The following CHD6 variants were observed in gnomAD, a reference collection of about 807,000 sequenced individuals.
CHD6 encodes ATP-dependent chromatin remodeler CHD6.
In CHD6, 50 loss-of-function variants were observed where a neutral mutation model predicts 276.9. That is an observed-to-expected ratio of 0.18 (90% CI 0.14 to 0.23). The LOEUF (loss-of-function observed/expected upper bound fraction) is 0.23. Ranked by LOEUF, CHD6 falls within the 10% of genes least tolerant of loss-of-function variation. CHD6 has a pLI of 1.00. For missense variants in CHD6, 2,564 were observed against 3,365.8 expected (o/e 0.76, Z 5.89); for synonymous variants, 1,173 against 1,229.3 (o/e 0.95, Z 0.96).
intron 3 of CHD6, among the ~76,000 whole-genome samples, chr20:41,531,812 A>G (rs554790281): frequency 1.2e-4 from 18 of 152,200 alleles, no homozygotes; most frequent in Non-Finnish European, 2.2e-4. Flanking sequence ...TCCACGTTGC[A>G]ACACACACCA....
chr20:41,480,194 C>T (rs2043263229), intron 16 of CHD6, among the ~76,000 whole-genome samples: 1 of 152,176 alleles, frequency 6.6e-6, no homozygotes, highest in South Asian at 2.1e-4. Flanking sequence ...AAAAAGAAAG[C>T]TGTCAGCATG....
intron 35 of CHD6, among the ~76,000 whole-genome samples, chr20:41,412,793 G>C (rs1450755042): frequency 1.3e-5 from 2 of 152,200 alleles, no homozygotes; most frequent in Non-Finnish European, 2.9e-5. Flanking sequence ...AAAATGTCTA[G>C]TCTGAGGGAC....
At chr20:41,474,085 A>T (rs2043118504) in intron 16 of CHD6, among the ~76,000 whole-genome samples, 1 of 152,220 alleles carries the variant, frequency 6.6e-6, no homozygotes, top group African/African-American at 2.4e-5. Context: ...CCAAGTTTAT[A>T]GCTGAAACCA....
At chr20:41,589,769 A>G (rs960631048) in intron 1 of CHD6, among the ~76,000 whole-genome samples, 1 of 152,358 alleles carries the variant, frequency 6.6e-6, no homozygotes, top group Middle Eastern at 3.4e-3. Context: ...GGAAGAATCA[A>G]TATCGTGAAA....
chr20:41,494,063 G>A (rs775182157), intron 8 of CHD6, 119 bp from the exon 9 acceptor site: 23 of 665,008 alleles, frequency 3.5e-5, no homozygotes, highest in Admixed American at 8.6e-5. Flanking sequence ...CAAAAAGAAA[G>A]GGTTTGCTTA....
chr20:41,553,934 G>A (rs2045183418), intron 1 of CHD6, among the ~76,000 whole-genome samples: 1 of 152,222 alleles, frequency 6.6e-6, no homozygotes, highest in Admixed American at 6.5e-5. Flanking sequence ...CGGATCACTT[G>A]AACCCAGGAG....
Position 41,416,647 on chromosome 20 carries a change from G to A in CHD6, c.6427C>T (p.Pro2143Ser). The change falls in exon 33 of 37, where the codon CCG becomes TCG. Residue 2143 changes from proline (P) to serine (S), a missense_variant. Coordinates refer to ENST00000373233, the MANE Select transcript of CHD6 (RefSeq NM_032221.5). ...SAGSRTSLSEPEAAEHSFSNG... is the reference protein window; with the variant it reads ...SAGSRTSLSESEAAEHSFSNG... Reference sequence around the variant, plus strand: ...CTGAAGCTGTGTTCTGCTGCTTCCGGCTCTGAGAGGCTGGTTCGAGAACCA... The same window carrying A: ...CTGAAGCTGTGTTCTGCTGCTTCCGACTCTGAGAGGCTGGTTCGAGAACCA... 6.2e-7 allele frequency: 1 copy of A among 1,613,960 alleles called. No homozygotes were observed. Among genetic ancestry groups the A allele is most frequent in the Non-Finnish European group, 8.5e-7 (1 of 1,179,964 alleles).
Position 41,597,724 on chromosome 20 carries a change from C to CT in CHD6, c.-24+20615dup, listed in dbSNP as rs370309960. On this transcript the variant is annotated intron_variant, in intron 1 of 36. Transcript: ENST00000373233. ...AAGAAAAAAGCCTAATCTGTCTATC[C>CT]TTTTTTTTTTCCTCTTCTCTTTCCC... Among the ~76,000 whole-genome samples, 188 of 149,522 alleles carry CT rather than the reference C, an allele frequency of 1.3e-3. 1 individual carries two copies. Among genetic ancestry groups the CT allele is most frequent in the African/African-American group, 3.8e-3 (156 of 40,780 alleles).
intron 1 of CHD6, among the ~76,000 whole-genome samples, chr20:41,606,464 A>G (rs2045829905): frequency 6.6e-6 from 1 of 152,290 alleles, no homozygotes; most frequent in East Asian, 1.9e-4. Flanking sequence ...CAGTGAGCCG[A>G]GATCGTGCCA....
At position 41,616,164 on chromosome 20, in the gene CHD6, TC is replaced by T. The variant is rs533636900; in HGVS notation, c.-24+2175del. Among the ~76,000 whole-genome samples the T allele has an allele frequency of 8.1e-4, 123 of 152,374 alleles. 1 individual carries two copies. The highest frequency in any genetic ancestry group is 2.7e-3 in the African/African-American group (113 of 41,582). ...TCCCACTTCACTTCTAACTTGTCTT[TC>T]AATTTTTGTGTGGTTTGCCTTAACT... On this transcript the variant is annotated intron_variant, in intron 1 of 36. Transcript: ENST00000373233.
intron 3 of CHD6, among the ~76,000 whole-genome samples, chr20:41,519,880 A>G (rs1199879859): frequency 6.6e-6 from 1 of 152,252 alleles, no homozygotes; most frequent in Non-Finnish European, 1.5e-5. Context: ...ATCAGAGTGA[A>G]CAGGCAACCT....
intron 1 of CHD6, among the ~76,000 whole-genome samples, chr20:41,551,855 C>G (rs916316487): frequency 6.6e-6 from 1 of 152,106 alleles, no homozygotes; most frequent in Admixed American, 6.6e-5. Flanking sequence ...TATTATTTGA[C>G]GATTTAAACC....
intron 1 of CHD6, among the ~76,000 whole-genome samples, chr20:41,554,528 G>A (rs1420066625): frequency 6.6e-6 from 1 of 151,540 alleles, no homozygotes; most frequent in Admixed American, 6.6e-5. Flanking sequence ...CTAGGCAGAG[G>A]ACCCTGCGGC....
intron 1 of CHD6, among the ~76,000 whole-genome samples, chr20:41,579,243 C>T (rs774994023): frequency 1.8e-4 from 27 of 148,530 alleles, no homozygotes; most frequent in African/African-American, 4.5e-4. Flanking sequence ...GAGACCAGCC[C>T]GACCAACAGT....
In CHD6 at chr20:41,420,690, G is replaced by A. The variant is rs767878658; in HGVS notation, c.5945C>T (p.Thr1982Ile). The A allele has an allele frequency of 6.2e-7, 1 of 1,614,232 alleles. No individual in the cohort carries two copies. The highest frequency in any genetic ancestry group is 1.1e-5 in the South Asian group (1 of 91,082). Residue 1982 changes from threonine (T) to isoleucine (I), a missense_variant, in exon 31 of 37, where the codon ACT becomes ATT. Physicochemically the swap from Thr to Ile is moderately conservative, Grantham distance 89. This residue lies in a region of CHD6 where 1,024 missense variants were observed against 1,047.9 expected (regional missense o/e 0.98). Transcript: ENST00000373233. ...TTTAAACGGCTGTGATGGAATAGCA[G>A]TGGGTTCACCCTCCATGGCGATAGT... ...TNTIAMEGEP[T>I]AIPSQPFKVK...
At chr20:41,572,606 C>A (rs1328369977) in intron 1 of CHD6, among the ~76,000 whole-genome samples, 1 of 152,152 alleles carries the variant, frequency 6.6e-6, no homozygotes, top group African/African-American at 2.4e-5. Flanking sequence ...CTTCCCAATG[C>A]GGACTCTGCA....
chr20:41,437,994 T>C (rs1267881646), intron 26 of CHD6, among the ~76,000 whole-genome samples: 1 of 152,186 alleles, frequency 6.6e-6, no homozygotes, highest in Non-Finnish European at 1.5e-5. Flanking sequence ...TTCCTGCCCA[T>C]CAAGAGTCAT....
chr20:41,470,761 C>G (rs2043034626), intron 17 of CHD6, among the ~76,000 whole-genome samples: 1 of 152,256 alleles, frequency 6.6e-6, no homozygotes, highest in African/African-American at 2.4e-5. Context: ...CTAGGTTTGA[C>G]TATTCACGTT....
At chr20:41,458,690 T>C (rs1175853036) in intron 17 of CHD6, among the ~76,000 whole-genome samples, 1 of 152,188 alleles carries the variant, frequency 6.6e-6, no homozygotes, top group African/African-American at 2.4e-5. Flanking sequence ...GTTCCCTTGC[T>C]TTCAACATAT....
Sources: gnomAD v4.1 joint callset for allele counts (sites outside exome capture counted in the v4.1 genomes callset) on GRCh38, gnomAD v4.1.1 for gene constraint, gnomAD v4.1.1 regional missense constraint, MANE v1.5 for transcripts, NCBI Gene and HGNC (gene_info 2026-07-23, HGNC 2026-07-21) for gene names.